Variants in FREM1 observed in about 807,000 individuals in gnomAD.
The protein encoded by FREM1 is FRAS1 related extracellular matrix 1.
In FREM1, 220 loss-of-function variants were observed where a neutral mutation model predicts 210.1. The ratio of observed to expected loss-of-function variants is 1.05; its 90% confidence interval spans 0.94 to 1.17. FREM1 has a LOEUF of 1.17. Ranked by LOEUF, FREM1 falls within the 50% of genes most tolerant of loss-of-function variation. The pLI, the probability that FREM1 is intolerant of heterozygous loss-of-function variation, is 0.00. For missense variants in FREM1, 3,454 were observed against 2,675.5 expected (o/e 1.29, Z -6.42); for synonymous variants, 1,189 against 980.2 (o/e 1.21, Z -3.98).
intron 2 of FREM1, among the ~76,000 whole-genome samples, chr9:14,867,906 T>C (rs1305572105): frequency 6.6e-6 from 1 of 152,152 alleles, no homozygotes; most frequent in East Asian, 1.9e-4. Flanking sequence ...AAAAACAGTG[T>C]TAGAGAATAT....
intron 1 of FREM1, among the ~76,000 whole-genome samples, chr9:14,881,757 A>G (rs941463803): frequency 7.2e-5 from 11 of 152,238 alleles, no homozygotes; most frequent in African/African-American, 2.4e-4. Context: ...AACAAAGACT[A>G]TATTTCACAG....
intron 27 of FREM1, among the ~76,000 whole-genome samples, chr9:14,765,205 C>T (rs1369167865): frequency 6.6e-6 from 1 of 152,166 alleles, no homozygotes; most frequent in Non-Finnish European, 1.5e-5. Flanking sequence ...ATAGATGATG[C>T]TATTAAACTC....
At chr9:14,857,238 C>T (rs1828929736) in intron 5 of FREM1, among the ~76,000 whole-genome samples, 1 of 152,026 alleles carries the variant, frequency 6.6e-6, no homozygotes, top group Non-Finnish European at 1.5e-5. Context: ...TATAAAAGGT[C>T]AAATGACAAG....
intron 1 of FREM1, among the ~76,000 whole-genome samples, chr9:14,894,306 G>A (rs1269231954): frequency 6.6e-6 from 1 of 152,146 alleles, no homozygotes; most frequent in African/African-American, 2.4e-5. Flanking sequence ...ATTGTTGTAT[G>A]CCACAGAAGT....
intron 15 of FREM1, among the ~76,000 whole-genome samples, chr9:14,814,778 T>C (rs1820007055): frequency 6.6e-6 from 1 of 152,270 alleles, no homozygotes; most frequent in East Asian, 1.9e-4. Flanking sequence ...TTAAGAATAT[T>C]CCTTCTGGGT....
chr9:14,883,631 C>T (rs1050186206), intron 1 of FREM1, among the ~76,000 whole-genome samples: 1 of 152,172 alleles, frequency 6.6e-6, no homozygotes, highest in African/African-American at 2.4e-5. Flanking sequence ...GATGATGGGT[C>T]TTTTAACACC....
rs200832517 is a variant in FREM1, at chr9:14,888,127, T to C, written c.-267-18883A>G. ...CCAACATTTATACGTGTTTACTATA[T>C]AGTAGGTTTTCTTCAAGATACTTTA... is the stretch of plus-strand genomic sequence containing the variant. On this transcript the variant is annotated intron_variant, in intron 1 of 36. Transcript: ENST00000380880. Among the ~76,000 whole-genome samples the C allele has an allele frequency of 4.6e-5, 7 of 152,332 alleles. No individual in the cohort carries two copies. The East Asian group carries it at 1.2e-3, about 25-fold the overall frequency.
intron 5 of FREM1, among the ~76,000 whole-genome samples, chr9:14,853,704 C>T (rs1828179644): frequency 6.6e-6 from 1 of 152,192 alleles, no homozygotes; most frequent in South Asian, 2.1e-4. Flanking sequence ...GAGGAGAAGA[C>T]AATCAACCCC....
At chr9:14,897,435 AT>A in intron 1 of FREM1, among the ~76,000 whole-genome samples, 1 of 151,266 alleles carries the variant, frequency 6.6e-6, no homozygotes, top group Middle Eastern at 3.2e-3. Flanking sequence ...AGGCTAAGTG[AT>A]TTGTCAAAGG....
intron 7 of FREM1, among the ~76,000 whole-genome samples, 163 bp downstream of exon 7, chr9:14,848,502 A>T (rs1001692904): frequency 5.9e-5 from 9 of 152,192 alleles, no homozygotes; most frequent in Non-Finnish European, 8.8e-5. Flanking sequence ...CAGGAGGAAT[A>T]AAAAAACAAC....
At chr9:14,764,376 G>C (rs2382500) in intron 27 of FREM1, among the ~76,000 whole-genome samples, 148,768 of 152,280 alleles carry the variant, frequency 0.98, 72,766 homozygotes, top group Middle Eastern at 1. Context: ...AACATCATCT[G>C]TCACACACTT....
Position 14,890,494 on chromosome 9 carries a change from G to A in FREM1, c.-268+19420C>T, listed in dbSNP as rs140815288. ...AGATTCTAAGAAGTCTTGCAGAAAG[G>A]AGCCTTTTTAAGCCCAAAGTCTGCA... On this transcript the variant is annotated intron_variant, in intron 1 of 36. Transcript: ENST00000380880. 1.2e-3 allele frequency among the ~76,000 whole-genome samples: 187 copies of A among 152,288 alleles called. 1 individual carries two copies. The highest frequency in any genetic ancestry group is 1.5e-3 in the Non-Finnish European group (101 of 68,020).
chr9:14,865,525 C>G (rs1016311792), intron 2 of FREM1, among the ~76,000 whole-genome samples: 1 of 152,290 alleles, frequency 6.6e-6, no homozygotes, highest in South Asian at 2.1e-4. Flanking sequence ...TTAAACAAAA[C>G]ATTTTCTGTG....
At chr9:14,762,620 T>C (rs1845696545) in intron 27 of FREM1, among the ~76,000 whole-genome samples, 1 of 152,186 alleles carries the variant, frequency 6.6e-6, no homozygotes, top group African/African-American at 2.4e-5. Context: ...TTTCTTAAAA[T>C]TATTCGCTAC....
At chr9:14,795,684 A>G (rs1403174130) in intron 21 of FREM1, among the ~76,000 whole-genome samples, 1 of 152,206 alleles carries the variant, frequency 6.6e-6, no homozygotes, top group African/African-American at 2.4e-5. Context: ...AGTCAAATGG[A>G]GTTGAGTGGG....
chr9:14,772,053 T>G (rs531800698), intron 25 of FREM1, among the ~76,000 whole-genome samples: 51 of 152,142 alleles, frequency 3.4e-4, no homozygotes, highest in African/African-American at 1.2e-3. Flanking sequence ...GTTTATTTCA[T>G]GAGAAATTTT....
intron 1 of FREM1, among the ~76,000 whole-genome samples, chr9:14,904,253 T>A (rs1262020663): frequency 6.6e-6 from 1 of 152,126 alleles, no homozygotes; most frequent in African/African-American, 2.4e-5. Flanking sequence ...TATTTAGAGT[T>A]GTGCCTTATA....
intron 3 of FREM1, among the ~76,000 whole-genome samples, chr9:14,861,885 G>T (rs542951543): frequency 6.6e-6 from 1 of 152,114 alleles, no homozygotes; most frequent in South Asian, 2.1e-4. Context: ...TGTTACTGAC[G>T]GTAGTCACCC....
intron 1 of FREM1, among the ~76,000 whole-genome samples, chr9:14,905,940 G>A (rs558757235): frequency 6.6e-6 from 1 of 152,214 alleles, no homozygotes; most frequent in South Asian, 2.1e-4. Flanking sequence ...CCAGGCTGCT[G>A]ATCAGAGTTA....
Sources: gnomAD v4.1 joint callset for allele counts (sites outside exome capture counted in the v4.1 genomes callset) on GRCh38, gnomAD v4.1.1 for gene constraint, MANE v1.5 for transcripts, NCBI Gene and HGNC (gene_info 2026-07-23, HGNC 2026-07-21) for gene names.